ZFAT: variants seen among roughly 807,000 people sequenced by gnomAD.
The protein encoded by ZFAT is zinc finger protein ZFAT.
A neutral mutation model predicts 117.7 loss-of-function variants in ZFAT; 64 were observed. The observed-to-expected ratio is 0.54, with a 90% CI of 0.44 to 0.67. The LOEUF is 0.67. Among genes scored for constraint, ZFAT ranks in the 30% least tolerant of loss-of-function variants. ZFAT has a pLI of 0.00. For synonymous variants in ZFAT, 679 were observed against 615.0 expected, an observed-to-expected ratio of 1.10 and a Z score of -1.54; for missense variants, 1,433 against 1,584.5, an observed-to-expected ratio of 0.90 and a Z score of 1.62.
intron 11 of ZFAT, among the ~76,000 whole-genome samples, chr8:134,544,243 G>C (rs895921387): frequency 6.6e-6 from 1 of 152,184 alleles, no homozygotes; most frequent in East Asian, 1.9e-4. Context: ...TTTGAGAGTA[G>C]AGTCCACATC....
intron 1 of ZFAT, among the ~76,000 whole-genome samples, chr8:134,702,389 C>A (rs1436305033): frequency 2.0e-5 from 3 of 152,308 alleles, no homozygotes; most frequent in African/African-American, 7.2e-5. Context: ...CATTTCCACC[C>A]AAATTTCATC....
chr8:134,582,389 GCTGCTCTTCATTACT>G (rs1825772864), intron 10 of ZFAT, among the ~76,000 whole-genome samples: 1 of 152,232 alleles, frequency 6.6e-6, no homozygotes, highest in Non-Finnish European at 1.5e-5. Context: ...TCTGGGGACA[GCTGCTCTTCATTACT>G]GAAGGACTGC....
chr8:134,638,167 T>A (rs1830345170), intron 2 of ZFAT, among the ~76,000 whole-genome samples: 1 of 152,006 alleles, frequency 6.6e-6, no homozygotes. Flanking sequence ...TTTCAAGGAG[T>A]CATAATTATT....
At chr8:134,668,853 G>T (rs1012534123) in intron 1 of ZFAT, among the ~76,000 whole-genome samples, 8 of 152,134 alleles carry the variant, frequency 5.3e-5, no homozygotes, top group Admixed American at 2.6e-4. Flanking sequence ...TAAAAACCTT[G>T]AAAAAAGATT....
At chr8:134,603,022 G>A in intron 5 of ZFAT, 89 bp from the exon 6 acceptor site, 1 of 1,517,656 alleles carries the variant, frequency 6.6e-7, no homozygotes, top group African/African-American at 1.4e-5. Context: ...AACACTAAAG[G>A]CTGAAAAGTG....
intron 11 of ZFAT, among the ~76,000 whole-genome samples, chr8:134,543,220 T>A (rs1232472267): frequency 2.0e-5 from 3 of 149,532 alleles, no homozygotes; most frequent in Non-Finnish European, 4.4e-5. Context: ...ACAGAAGACA[T>A]GGGGTCATGT....
At chr8:134,656,260 G>C (rs1831595839) in intron 2 of ZFAT, among the ~76,000 whole-genome samples, 1 of 152,118 alleles carries the variant, frequency 6.6e-6, no homozygotes. Flanking sequence ...GTGCGCTACT[G>C]GTTGAGACGC....
chr8:134,698,422 G>A (rs1441726547), intron 1 of ZFAT, among the ~76,000 whole-genome samples: 1 of 152,118 alleles, frequency 6.6e-6, no homozygotes, highest in Non-Finnish European at 1.5e-5. Context: ...GGCAGCGGGG[G>A]AACCTGACAG....
intron 1 of ZFAT, among the ~76,000 whole-genome samples, chr8:134,706,808 G>C (rs957104446): frequency 2.5e-4 from 38 of 151,942 alleles, no homozygotes; most frequent in African/African-American, 8.9e-4. Flanking sequence ...ATATTGTTAG[G>C]AGTGTGGGTT....
chr8:134,494,841 A>G (rs1272145249), intron 15 of ZFAT, among the ~76,000 whole-genome samples: 1 of 152,242 alleles, frequency 6.6e-6, no homozygotes, highest in African/African-American at 2.4e-5. Flanking sequence ...AAAAGAAACT[A>G]TCTCTTCTTG....
At chr8:134,751,297 G>A in the ZFAT span, among the ~76,000 whole-genome samples, 1 of 152,132 alleles carries the variant, frequency 6.6e-6, no homozygotes, top group Admixed American at 6.5e-5. Flanking sequence ...GGGGTCAGGG[G>A]GCTCCAAGAC....
At chr8:134,694,865 C>T (rs1238978493) in intron 1 of ZFAT, among the ~76,000 whole-genome samples, 1 of 152,170 alleles carries the variant, frequency 6.6e-6, no homozygotes, top group Admixed American at 6.5e-5. Context: ...AATCCATTAC[C>T]GTAGTTATCA....
At chr8:134,624,572 G>A (rs190011644) in intron 3 of ZFAT, among the ~76,000 whole-genome samples, 56 of 152,184 alleles carry the variant, frequency 3.7e-4, no homozygotes, top group African/African-American at 1.3e-3. Flanking sequence ...CAGGAGAATC[G>A]CTTGAACCCA....
chr8:134,683,196 A>T (rs895514220), intron 1 of ZFAT, among the ~76,000 whole-genome samples: 3 of 152,238 alleles, frequency 2.0e-5, no homozygotes, highest in African/African-American at 7.2e-5. Flanking sequence ...CAAAAGAAGA[A>T]GTGGCTCCTT....
intron 15 of ZFAT, among the ~76,000 whole-genome samples, chr8:134,482,132 C>T (rs1817353189): frequency 6.6e-6 from 1 of 152,186 alleles, no homozygotes; most frequent in African/African-American, 2.4e-5. Flanking sequence ...CATCACTAAG[C>T]CTGGAGGATT....
At chr8:134,533,622 C>G (rs1420102292) in intron 11 of ZFAT, among the ~76,000 whole-genome samples, 1 of 152,254 alleles carries the variant, frequency 6.6e-6, no homozygotes, top group Non-Finnish European at 1.5e-5. Flanking sequence ...CCTGCAAGCA[C>G]TGGCATACAC....
At chr8:134,712,718 C>CGCGGCCGGCGGGCCGGCGGCCGGCGGCCG (rs1814057960) in intron 1 of ZFAT, 127 bp downstream of exon 1, 6 of 824,968 alleles carry the variant, frequency 7.3e-6, no homozygotes, top group African/African-American at 1.9e-5. Context: ...CGGATCCCTC[C>CGCGGCCGGCGGGCCGGCGGCCGGCGGCCG]GCGGCCGGCG....
intron 3 of ZFAT, among the ~76,000 whole-genome samples, chr8:134,628,628 C>T (rs1829682175): frequency 2.6e-5 from 4 of 152,206 alleles, no homozygotes; most frequent in Admixed American, 6.5e-5. Flanking sequence ...TTAACTCATC[C>T]TTTTGAAACT....
intron 1 of ZFAT, among the ~76,000 whole-genome samples, chr8:134,660,522 AGAG>A (rs1563738711): frequency 6.6e-6 from 1 of 152,270 alleles, no homozygotes; most frequent in East Asian, 1.9e-4. Flanking sequence ...CCCTGCCACA[AGAG>A]GAGGCCACCA....
Sources: gnomAD v4.1 joint callset for allele counts (sites outside exome capture counted in the v4.1 genomes callset) on GRCh38, gnomAD v4.1.1 for gene constraint, MANE v1.5 for transcripts, NCBI Gene and HGNC (gene_info 2026-07-23, HGNC 2026-07-21) for gene names.